GOT2: variants seen among roughly 807,000 people sequenced by gnomAD.
The protein encoded by GOT2 is glutamic-oxaloacetic transaminase 2.
In GOT2, 17 loss-of-function variants were observed where a neutral mutation model predicts 50.0. That is an observed-to-expected ratio of 0.34 (90% CI 0.23 to 0.51). The LOEUF (loss-of-function observed/expected upper bound fraction) is 0.51. GOT2 is among the 20% of genes least tolerant of loss of function. The probability of loss-of-function intolerance (pLI) is 0.97; values close to 1 mark genes in which losing one functional copy is unlikely to be tolerated. For missense variants in GOT2, 430 were observed against 559.6 expected, an observed-to-expected ratio of 0.77 and a Z score of 2.34; for synonymous variants, 172 against 204.9, an observed-to-expected ratio of 0.84 and a Z score of 1.37.
intron 2 of GOT2, among the ~76,000 whole-genome samples, chr16:58,722,633 G>C (rs774596132): frequency 6.6e-6 from 1 of 152,050 alleles, no homozygotes; most frequent in Non-Finnish European, 1.5e-5. Context: ...GCCTCCTAAA[G>C]TGCTGGGATT....
chr16:58,728,563 A>C (rs963684515), intron 1 of GOT2, among the ~76,000 whole-genome samples: 2 of 152,234 alleles, frequency 1.3e-5, no homozygotes, highest in Non-Finnish European at 2.9e-5. Context: ...CCTTGTGACC[A>C]AATGCAGGTC....
In GOT2 at chr16:58,709,524, G is replaced by T; in HGVS notation, c.1063C>A (p.Arg355=). The change falls in exon 9 of 10, where the codon CGG becomes AGG. Residue 355 remains arginine (R), a synonymous_variant. Coordinates refer to ENST00000245206, the MANE Select transcript of GOT2 (RefSeq NM_002080.4). The part of the protein sequence containing the change: ...KVMADRIIGM[R]TQLVSNLKKE... ...TTGAGGTTGGAGACCAGTTGAGTCC[G>T]CATGCCAATGATGCGGTCAGCCATG... 5 of 1,612,906 alleles carry T rather than the reference G, an allele frequency of 3.1e-6. No individual in the cohort carries two copies. Among genetic ancestry groups the T allele is most frequent in the South Asian group, 1.1e-5 (1 of 91,034 alleles).
chr16:58,711,089 T>C (rs2044644475), intron 8 of GOT2, among the ~76,000 whole-genome samples: 1 of 150,774 alleles, frequency 6.6e-6, no homozygotes, highest in Non-Finnish European at 1.5e-5. Flanking sequence ...GGATGAAATA[T>C]ACATTCCCAT....
intron 8 of GOT2, among the ~76,000 whole-genome samples, chr16:58,713,781 G>T (rs1032735169): frequency 6.6e-5 from 10 of 152,150 alleles, no homozygotes; most frequent in Non-Finnish European, 1.2e-4. Flanking sequence ...ATAGAGTAGG[G>T]GTTGGCATTC....
At position 58,716,926 on chromosome 16, in the gene GOT2, T is replaced by A. The variant is rs1014701751; in HGVS notation, c.703-113A>T. 32 of 923,082 alleles carry A rather than the reference T, an allele frequency of 3.5e-5. No individual in the cohort carries two copies. In the African/African-American group the frequency reaches 5.1e-4, roughly 15 times the overall value. The allele number at this position is 923,082 out of a possible 1,614,324, so 57.2% of individuals were successfully genotyped here. A position where few individuals can be genotyped will look rare whatever the true frequency, so the allele number is the denominator to read the frequency against. On this transcript the variant is annotated intron_variant, in intron 6 of 9. Coordinates refer to ENST00000245206, the MANE Select transcript of GOT2 (RefSeq NM_002080.4). Reference sequence around the variant, plus strand: ...GTGGGCATGGTCCCAATAAGCACAATAAGCCTTTTCTGGGGCTAACGTAAT... The same window carrying A: ...GTGGGCATGGTCCCAATAAGCACAAAAAGCCTTTTCTGGGGCTAACGTAAT...
intron 8 of GOT2, among the ~76,000 whole-genome samples, chr16:58,714,056 ATTTTTTAT>A (rs1311157850): frequency 4.0e-5 from 6 of 151,772 alleles, no homozygotes; most frequent in African/African-American, 7.3e-5. Flanking sequence ...TAATTTTTTT[ATTTTTTAT>A]TTTTTTATTT....
intron 8 of GOT2, among the ~76,000 whole-genome samples, chr16:58,715,515 G>A (rs1002593612): frequency 6.6e-6 from 1 of 151,868 alleles, no homozygotes; most frequent in African/African-American, 2.4e-5. Flanking sequence ...CAGACTGGGT[G>A]ACAGAGCAAG....
At position 58,728,299 on chromosome 16, in the gene GOT2, G is replaced by C. The variant is rs542619769; in HGVS notation, c.90-4397C>G. Among the ~76,000 whole-genome samples the C allele has an allele frequency of 2.1e-3, 320 of 152,250 alleles. 1 individual carries two copies. Among genetic ancestry groups the C allele is most frequent in the Non-Finnish European group, 2.4e-3 (161 of 68,016 alleles). On this transcript the variant is annotated intron_variant, in intron 1 of 9. Coordinates refer to ENST00000245206, the MANE Select transcript of GOT2 (RefSeq NM_002080.4). ...GCTCAGCCACCTGCCAGCTGTGTGA[G>C]CACTGGCAAGTAAATCAAGCATCAA... is the stretch of plus-strand genomic sequence containing the variant.
chr16:58,707,994 G>T lies in GOT2; in HGVS notation c.*177C>A. 1 of 559,716 alleles carries T rather than the reference G, an allele frequency of 1.8e-6. No individual in the cohort carries two copies. The highest frequency in any genetic ancestry group is 3.0e-6 in the Non-Finnish European group (1 of 333,432). 34.7% of individuals were successfully genotyped at this position (559,716 alleles called of 1,614,324 possible). A position where few individuals can be genotyped will look rare whatever the true frequency, so the allele number is the denominator to read the frequency against. ...CCAGACGCCAGCCATGGATGCCTCT[G>T]CCCTGTGTCACTACATGTTCTTTTC... On this transcript the variant is annotated 3_prime_UTR_variant, in exon 10 of 10. Coordinates refer to ENST00000245206, the MANE Select transcript of GOT2 (RefSeq NM_002080.4).
chr16:58,724,513 G>GT (rs1249523939), intron 1 of GOT2, among the ~76,000 whole-genome samples: 1 of 152,044 alleles, frequency 6.6e-6, no homozygotes, highest in African/African-American at 2.4e-5. Context: ...TGGCACACTT[G>GT]TTACAATTAA....
rs777180671 is a variant in GOT2, at chr16:58,716,713, C to T, written c.803G>A (p.Gly268Asp). ...TGATTGGCAGAGGCAAACATTAATG[C>T]CCTGTTCGATGAAGTGGCGCACAGC... Reference protein sequence around the residue: ...AWAVRHFIEQGINVCLCQSYA... With the variant: ...AWAVRHFIEQDINVCLCQSYA... The change falls in exon 7 of 10, where the codon GGC becomes GAC. Residue 268 changes from glycine to aspartate, a missense_variant. By Grantham distance (94) the Gly-to-Asp change is moderately conservative (BLOSUM62 -1). Transcript: ENST00000245206. The T allele has an allele frequency of 5.0e-6, 8 of 1,613,796 alleles. No homozygotes were observed. The East Asian group carries it at 1.8e-4, about 36-fold the overall frequency.
At position 58,708,047 on chromosome 16, in the gene GOT2, C is replaced by T; in HGVS notation, c.*124G>A. 2 of 912,444 alleles carry T rather than the reference C, an allele frequency of 2.2e-6. No homozygotes were observed. The highest frequency in any genetic ancestry group is 1.7e-6 in the Non-Finnish European group (1 of 596,462). 56.5% of individuals were successfully genotyped at this position (912,444 alleles called of 1,614,324 possible). The stretch of plus-strand genomic sequence containing the variant: ...AGAAACATTCAAATGCTGAGTGTTA[C>T]ACACTGTGGCTGAAAGAAATGATCC... On this transcript the variant is annotated 3_prime_UTR_variant, in exon 10 of 10. Coordinates refer to ENST00000245206, the MANE Select transcript of GOT2 (RefSeq NM_002080.4).
rs773502230 is a variant in GOT2, at chr16:58,718,585, C to T, written c.539G>A (p.Arg180Gln). Residue 180 changes from arginine to glutamine, a missense_variant, in exon 5 of 10, where the codon CGG becomes CAG. Coordinates refer to ENST00000245206, the MANE Select transcript of GOT2 (RefSeq NM_002080.4). ...RDAGMQLQGYRYYDPKTCGFD... is the reference protein window; with the variant it reads ...RDAGMQLQGYQYYDPKTCGFD... ...ACCGCAAGTCTTGGGGTCATAATAC[C>T]GATAACCTTGTAGCTGCATGCCAGC... 1.9e-5 allele frequency: 30 copies of T among 1,610,588 alleles called. No homozygotes were observed. The East Asian group carries it at 4.5e-4, about 24-fold the overall frequency.
intron 2 of GOT2, 64 bp downstream of exon 2, chr16:58,723,682 C>T: frequency 1.5e-6 from 2 of 1,339,904 alleles, no homozygotes; most frequent in Non-Finnish European, 2.1e-6. Flanking sequence ...ACTATTCCTG[C>T]CACTCTCCAG....
rs189507824 is a variant in GOT2, at chr16:58,718,937, T to A, written c.436-249A>T. On this transcript the variant is annotated intron_variant, in intron 4 of 9. Coordinates refer to ENST00000245206, the MANE Select transcript of GOT2 (RefSeq NM_002080.4). Reference sequence around the variant, plus strand: ...GTAAAGGGGGTTAATTGTACCTCTCTCATAGGGATTAAACAAGTTAAAATG... The same window carrying A: ...GTAAAGGGGGTTAATTGTACCTCTCACATAGGGATTAAACAAGTTAAAATG... Among the ~76,000 whole-genome samples the A allele has an allele frequency of 0.012, 1,853 of 152,310 alleles. 15 individuals are homozygous for A. The highest frequency in any genetic ancestry group is 0.037 in the Middle Eastern group (11 of 294).
rs115094310 is a variant in GOT2, at chr16:58,708,063, G to A, written c.*108C>T. 193 of 1,088,278 alleles carry A rather than the reference G, an allele frequency of 1.8e-4. No individual in the cohort carries two copies. The African/African-American group carries it at 2.5e-3, about 14-fold the overall frequency. 67.4% of individuals were successfully genotyped at this position (1,088,278 alleles called of 1,614,324 possible). On this transcript the variant is annotated 3_prime_UTR_variant, in exon 10 of 10. Coordinates refer to ENST00000245206, the MANE Select transcript of GOT2 (RefSeq NM_002080.4). Reference sequence around the variant, plus strand: ...TGAGTGTTACACACTGTGGCTGAAAGAAATGATCCACTCACCACCATCCAC... The same window carrying A: ...TGAGTGTTACACACTGTGGCTGAAAAAAATGATCCACTCACCACCATCCAC...
At chr16:58,718,435 T>G (rs2044712272) in intron 5 of GOT2, 92 bp downstream of exon 5, 1 of 1,389,782 alleles carries the variant, frequency 7.2e-7, no homozygotes. Context: ...TCCCCAGTAT[T>G]TTAACTCAGA....
intron 8 of GOT2, among the ~76,000 whole-genome samples, chr16:58,715,740 C>CG (rs1368902203): frequency 2.0e-5 from 3 of 152,134 alleles, no homozygotes; most frequent in Non-Finnish European, 4.4e-5. Context: ...TCAGTAGAGA[C>CG]GGGGTTTCTC....
intron 1 of GOT2, among the ~76,000 whole-genome samples, chr16:58,731,252 C>T (rs1368731331): frequency 2.0e-5 from 3 of 152,124 alleles, no homozygotes; most frequent in Admixed American, 6.5e-5. Context: ...TCGAGCGACC[C>T]TCCCACCTCA....
Sources: gnomAD v4.1 joint callset for allele counts (sites outside exome capture counted in the v4.1 genomes callset) on GRCh38, gnomAD v4.1.1 for gene constraint, MANE v1.5 for transcripts, NCBI Gene and HGNC (gene_info 2026-07-23, HGNC 2026-07-21) for gene names.